Variants in EFHB observed in about 807,000 individuals in gnomAD.
The protein encoded by EFHB is EF-hand domain-containing family member B.
A neutral mutation model predicts 87.2 loss-of-function variants in EFHB; 91 were observed. The ratio of observed to expected loss-of-function variants is 1.04; its 90% CI spans 0.88 to 1.24. The LOEUF (loss-of-function observed/expected upper bound fraction) is 1.24, where lower values mean the gene tolerates loss of function less well. Ranked by LOEUF, EFHB falls within the 50% of genes most tolerant of loss-of-function variation. The pLI is 0.00. For synonymous variants in EFHB, 325 were observed against 333.6 expected, an observed-to-expected ratio of 0.97 and a Z score of 0.28; for missense variants, 1,084 against 998.8, an observed-to-expected ratio of 1.09 and a Z score of -1.15.
chr3:19,896,570 A>G (rs1575004574), intron 9 of EFHB, 117 bp downstream of exon 9: 1 of 1,374,054 alleles, frequency 7.3e-7, no homozygotes, highest in African/African-American at 1.4e-5. Context: ...TACTGACACA[A>G]ACAAACAGTG....
chr3:19,910,265 CT>C (rs1447326360), intron 5 of EFHB, among the ~76,000 whole-genome samples: 2 of 152,002 alleles, frequency 1.3e-5, no homozygotes, highest in African/African-American at 4.8e-5. Context: ...TAACTTCAAG[CT>C]GACTTAAGAG....
intron 8 of EFHB, 80 bp from the exon 9 acceptor site, chr3:19,896,921 T>A (rs1694508512): frequency 1.6e-6 from 2 of 1,272,402 alleles, no homozygotes; most frequent in Admixed American, 5.5e-5. Context: ...AAGTGAGAGA[T>A]CTAGCAACCT....
At chr3:19,928,059 A>G (rs1258668070) in intron 1 of EFHB, among the ~76,000 whole-genome samples, 2 of 151,474 alleles carry the variant, frequency 1.3e-5, no homozygotes, top group African/African-American at 2.4e-5. Context: ...CTTTTTATAT[A>G]CTAGCGTTAC....
At chr3:19,903,862 T>A (rs1196149540) in intron 6 of EFHB, among the ~76,000 whole-genome samples, 5 of 152,218 alleles carry the variant, frequency 3.3e-5, no homozygotes, top group Non-Finnish European at 1.5e-5. Flanking sequence ...TTACCCCTGA[T>A]ACGTCTGAGC....
At chr3:19,887,417 C>A (rs896539024) in intron 10 of EFHB, among the ~76,000 whole-genome samples, 23 of 147,114 alleles carry the variant, frequency 1.6e-4, no homozygotes, top group Non-Finnish European at 2.4e-4. Context: ...AAGAGAAATG[C>A]GAAAGTTAAA....
Position 19,905,641 on chromosome 3 carries a change from T to C in EFHB, c.1397A>G (p.Tyr466Cys), listed in dbSNP as rs146671119. 4 of 1,613,784 alleles carry C rather than the reference T, an allele frequency of 2.5e-6. No homozygotes were observed. The highest frequency in any genetic ancestry group is 2.2e-5 in the East Asian group (1 of 44,860). ...TTACATTTGTAGTTCATGGAGCCAA[T>C]ATAGAGATTTTGCCATGGCTCGTCC... ...NDGRAMAKSL[Y>C]WLHELQMKRG... The change falls in exon 6 of 13, where the codon TAT becomes TGT. Residue 466 changes from tyrosine (Y) to cysteine (C), a missense_variant. Tyr to Cys is a radical substitution (Grantham distance 194). Transcript: ENST00000295824.
At chr3:19,918,150 T>A (rs1421377236) in intron 4 of EFHB, 82 bp downstream of exon 4, 1 of 1,312,858 alleles carries the variant, frequency 7.6e-7, no homozygotes, top group Non-Finnish European at 1.0e-6. Context: ...CCAAACATCA[T>A]ACAAATAAGA....
intron 9 of EFHB, among the ~76,000 whole-genome samples, chr3:19,893,759 A>G (rs1575001296): frequency 1.3e-5 from 2 of 152,158 alleles, no homozygotes; most frequent in African/African-American, 4.8e-5. Flanking sequence ...CCCCAGCCCC[A>G]TTTGCAGTCA....
At chr3:19,940,418 C>A in intron 1 of EFHB, 1 of 444,918 alleles carries the variant, frequency 2.2e-6, no homozygotes, top group Admixed American at 2.5e-5. Flanking sequence ...TCAAATTCTT[C>A]CTTCTCAACA....
intron 1 of EFHB, among the ~76,000 whole-genome samples, chr3:19,922,727 T>A (rs546272188): frequency 1.3e-5 from 2 of 152,300 alleles, no homozygotes; most frequent in African/African-American, 4.8e-5. Flanking sequence ...GTCACCCTGT[T>A]ACTCAGCCTC....
At chr3:19,917,881 T>C (rs1393039674) in intron 4 of EFHB, among the ~76,000 whole-genome samples, 2 of 152,174 alleles carry the variant, frequency 1.3e-5, no homozygotes, top group East Asian at 3.8e-4. Context: ...CATGAACACA[T>C]GTGAAGCACT....
At chr3:19,916,413 G>T (rs1441164345) in intron 4 of EFHB, among the ~76,000 whole-genome samples, 1 of 152,048 alleles carries the variant, frequency 6.6e-6, no homozygotes. Context: ...TACTCGGGGG[G>T]CTGAGGCAGG....
chr3:19,910,797 G>A (rs938540477), intron 5 of EFHB, among the ~76,000 whole-genome samples: 2 of 152,238 alleles, frequency 1.3e-5, no homozygotes, highest in African/African-American at 4.8e-5. Flanking sequence ...AAAAGAACAT[G>A]AGCCTCTGCC....
Position 19,879,814 on chromosome 3 carries a change from G to A in EFHB, c.2329-10C>T. On this transcript the variant is annotated splice_polypyrimidine_tract_variant and intron_variant, in intron 12 of 12. Coordinates refer to ENST00000295824, the MANE Select transcript of EFHB (RefSeq NM_144715.4). The stretch of plus-strand genomic sequence containing the variant: ...ACAATATCTCTGCAATCTAGAAAAA[G>A]GCATTTAAAATAGACCATGATTTAT... 1.3e-6 allele frequency: 2 copies of A among 1,569,728 alleles called. No individual in the cohort carries two copies. Among genetic ancestry groups the A allele is most frequent in the Non-Finnish European group, 1.7e-6 (2 of 1,161,058 alleles).
At chr3:19,884,154 G>T (rs1050521182) in intron 11 of EFHB, among the ~76,000 whole-genome samples, 2 of 152,152 alleles carry the variant, frequency 1.3e-5, no homozygotes, top group Admixed American at 1.3e-4. Context: ...AACATTCAAT[G>T]TTCTGATCTA....
At chr3:19,913,559 CA>C (rs1695130567) in intron 5 of EFHB, among the ~76,000 whole-genome samples, 1 of 152,080 alleles carries the variant, frequency 6.6e-6, no homozygotes, top group Non-Finnish European at 1.5e-5. Context: ...ACCAAAAAAT[CA>C]AAAACTATTT....
In EFHB at chr3:19,880,229, CATTT is replaced by C. The variant is rs59492875; in HGVS notation, c.2329-429_2329-426del. Among the ~76,000 whole-genome samples the C allele has an allele frequency of 8.3e-3, 1,228 of 147,588 alleles. 11 individuals carry two copies. Among genetic ancestry groups the C allele is most frequent in the African/African-American group, 0.026 (1,035 of 39,850 alleles). On this transcript the variant is annotated intron_variant, in intron 12 of 12. Coordinates refer to ENST00000295824, the MANE Select transcript of EFHB (RefSeq NM_144715.4). ...ACCTAAGCCACTTGAACATTAGTTT[CATTT>C]ATTTATTTATTTATTTATTTATTTA...
upstream of EFHB, chr3:19,934,346 C>A: frequency 1.1e-6 from 1 of 941,910 alleles, no homozygotes. Flanking sequence ...CTTCTCTCTC[C>A]TCTGTCTCTC....
At chr3:19,940,849 C>T (rs1355844161) in intron 1 of EFHB, 1 of 373,144 alleles carries the variant, frequency 2.7e-6, no homozygotes, top group African/African-American at 2.1e-5. Context: ...ACATGCTCAC[C>T]TTCATAAACC....
Sources: allele counts gnomAD v4.1 joint callset (sites outside exome capture counted in the v4.1 genomes callset), GRCh38; gene constraint gnomAD v4.1.1; transcripts MANE v1.5; gene names NCBI Gene and HGNC (gene_info 2026-07-23, HGNC 2026-07-21).